Variants in RASA3 observed in about 807,000 individuals in gnomAD.
The protein encoded by RASA3 is ras GTPase-activating protein 3.
RASA3 carries 73 observed loss-of-function variants against 110.0 expected under a neutral mutation model. That is an observed-to-expected ratio of 0.66 (90% CI 0.55 to 0.81). RASA3 has a LOEUF of 0.81. Among genes scored for constraint, RASA3 ranks in the 30% least tolerant of loss-of-function variants. The probability of loss-of-function intolerance (pLI) is 0.00; values close to 1 mark genes in which losing one functional copy is unlikely to be tolerated. For synonymous variants in RASA3, 500 were observed against 451.4 expected, an observed-to-expected ratio of 1.11 and a Z score of -1.37; for missense variants, 976 against 1,113.2, an observed-to-expected ratio of 0.88 and a Z score of 1.75.
At chr13:114,124,588 C>T (rs1244182795) in intron 1 of RASA3, among the ~76,000 whole-genome samples, 1 of 152,200 alleles carries the variant, frequency 6.6e-6, no homozygotes, top group Non-Finnish European at 1.5e-5. Flanking sequence ...GTGACGTAAC[C>T]CTCAGTTCCC....
At chr13:114,045,469 A>C (rs911820031) in intron 3 of RASA3, among the ~76,000 whole-genome samples, 4 of 152,218 alleles carry the variant, frequency 2.6e-5, no homozygotes, top group Admixed American at 2.6e-4. Context: ...GGAAACAGCC[A>C]CAGGACACAA....
chr13:114,098,331 G>T (rs1225037717), intron 1 of RASA3, among the ~76,000 whole-genome samples: 1 of 152,200 alleles, frequency 6.6e-6, no homozygotes, highest in Non-Finnish European at 1.5e-5. Context: ...CAGGGACCCA[G>T]GTGCGGGTCA....
chr13:114,103,442 C>T (rs996027347), intron 1 of RASA3, among the ~76,000 whole-genome samples: 4 of 151,956 alleles, frequency 2.6e-5, no homozygotes, highest in Admixed American at 6.6e-5. Context: ...AGACGGGGGA[C>T]GGGGGGACGG....
intron 4 of RASA3, among the ~76,000 whole-genome samples, chr13:114,040,417 A>C (rs1281097681): frequency 2.2e-4 from 2 of 9,188 alleles, no homozygotes; most frequent in African/African-American, 5.7e-4. Flanking sequence ...CATGGCAGAG[A>C]CCGCGCTCAC....
chr13:114,108,271 G>A (rs79657651), intron 1 of RASA3, among the ~76,000 whole-genome samples: 49 of 26,362 alleles, frequency 1.9e-3, no homozygotes, highest in East Asian at 0.018. Flanking sequence ...CCGTCACCCC[G>A]TGTCTGTCAT....
chr13:113,995,101 G>A (rs1301401725), intron 21 of RASA3, among the ~76,000 whole-genome samples: 1 of 152,262 alleles, frequency 6.6e-6, no homozygotes, highest in Non-Finnish European at 1.5e-5. Context: ...CCACAGATCT[G>A]CCAAGGCAGT....
At chr13:113,989,770 G>A (rs574557306) in intron 22 of RASA3, among the ~76,000 whole-genome samples, 16 of 152,296 alleles carry the variant, frequency 1.1e-4, no homozygotes, top group Non-Finnish European at 1.8e-4. Context: ...TGCCTGCCCC[G>A]CCATCTGTCC....
chr13:114,064,471 C>T (rs1163956334), intron 2 of RASA3, among the ~76,000 whole-genome samples: 1 of 152,188 alleles, frequency 6.6e-6, no homozygotes. Flanking sequence ...AGGTGCAAAG[C>T]CCAGGCCCAC....
rs948446548 is a variant in RASA3, at chr13:114,014,207, C to A, written c.1406-959G>T. 2.6e-5 allele frequency among the ~76,000 whole-genome samples: 4 copies of A among 152,192 alleles called. No individual in the cohort carries two copies. Among genetic ancestry groups the A allele is most frequent in the African/African-American group, 9.7e-5 (4 of 41,436 alleles). On this transcript the variant is annotated intron_variant, in intron 14 of 23. Transcript: ENST00000334062. The surrounding 1 kb of genome is among the most constrained non-coding windows in gnomAD (Gnocchi z 4.5). The stretch of plus-strand genomic sequence containing the variant: ...CTCTCCATCTCTCATCACCACCACA[C>A]AGCGCAGCCCCTTTGGTGTCTCATT...
At chr13:114,002,313 G>A (rs57506460) in intron 18 of RASA3, among the ~76,000 whole-genome samples, 47,981 of 152,038 alleles carry the variant, frequency 0.32, 7,665 homozygotes, top group East Asian at 0.41. Flanking sequence ...AAGCTGCTGG[G>A]AGCTGTTCAA....
Position 114,011,103 on chromosome 13 carries a change from G to A in RASA3, c.1590+68C>T, listed in dbSNP as rs942402154. The A allele has an allele frequency of 4.8e-5, 66 of 1,383,692 alleles. No homozygotes were observed. In the East Asian group the frequency reaches 6.0e-4, roughly 13 times the overall value. 85.7% of individuals were successfully genotyped at this position (1,383,692 alleles called of 1,614,324 possible). On this transcript the variant is annotated intron_variant, in intron 16 of 23. Coordinates refer to ENST00000334062, the MANE Select transcript of RASA3 (RefSeq NM_007368.4). This position sits in a 1 kb window ranked among gnomAD's most constrained non-coding sequence, Gnocchi z 4.8. ...CTCTCAAATGTGGGAGGTTTTTCAC[G>A]TGTATTTTCTGAAGAGAGAAAAGAA...
chr13:114,094,972 G>A (rs2079926160), intron 1 of RASA3, among the ~76,000 whole-genome samples: 1 of 152,194 alleles, frequency 6.6e-6, no homozygotes, highest in African/African-American at 2.4e-5. Context: ...CAGCTCAACA[G>A]AACCATGCAG....
chr13:113,981,382 G>A (rs778700062), intron 23 of RASA3, among the ~76,000 whole-genome samples: 4 of 152,232 alleles, frequency 2.6e-5, no homozygotes, highest in Admixed American at 6.5e-5. Context: ...GCCAGAGCAC[G>A]TGACACCAGT....
intron 12 of RASA3, 127 bp downstream of exon 12, chr13:114,017,110 G>A: frequency 2.5e-6 from 2 of 789,232 alleles, no homozygotes; most frequent in Non-Finnish European, 4.4e-6. Flanking sequence ...GCATCCCCGT[G>A]GCGAGGCCAG....
chr13:114,036,895 C>T (rs1374378258), intron 4 of RASA3, among the ~76,000 whole-genome samples: 3 of 152,192 alleles, frequency 2.0e-5, no homozygotes, highest in African/African-American at 7.2e-5. Flanking sequence ...CCCTGTCACG[C>T]TACGTTTTGG....
At chr13:114,009,023 G>A (rs113645171) in intron 17 of RASA3, among the ~76,000 whole-genome samples, 58 of 141,760 alleles carry the variant, frequency 4.1e-4, no homozygotes, top group Middle Eastern at 4.0e-3. Context: ...CACGCACCGC[G>A]TTCCTGACAC....
chr13:114,089,149 G>T (rs2079858104), intron 1 of RASA3, among the ~76,000 whole-genome samples: 1 of 151,454 alleles, frequency 6.6e-6, no homozygotes, highest in Non-Finnish European at 1.5e-5. Context: ...TGCACTTTCT[G>T]CTACTTGCAC....
At position 113,996,677 on chromosome 13, in the gene RASA3, G is replaced by A. The variant is rs1404229763; in HGVS notation, c.1995C>T (p.Ala665=). The A allele has an allele frequency of 6.2e-7, 1 of 1,613,852 alleles. No homozygotes were observed. Among genetic ancestry groups the A allele is most frequent in the East Asian group, 2.2e-5 (1 of 44,880 alleles). The change falls in exon 21 of 24, where the codon GCC becomes GCT. Residue 665 remains alanine, a synonymous_variant. Transcript: ENST00000334062. ...LYIQANNCVE[A]KDWIDILTKV... ...TGGTGAGAATGTCGATCCAGTCCTT[G>A]GCCTCCACGCAGTTGTTGGCCTGGA... is the stretch of plus-strand genomic sequence containing the variant.
chr13:114,056,306 T>C lies in RASA3; in HGVS notation c.174-4151A>G. The C allele has an allele frequency of 3.2e-6, 1 of 311,306 alleles. No individual in the cohort carries two copies. Among genetic ancestry groups the C allele is most frequent in the Non-Finnish European group, 4.7e-6 (1 of 213,528 alleles). The allele number at this position is 311,306 out of a possible 1,614,324, so 19.3% of individuals were successfully genotyped here. A position where few individuals can be genotyped will look rare whatever the true frequency, so the allele number is the denominator to read the frequency against. The stretch of plus-strand genomic sequence containing the variant: ...TATTTGGTGCGTGTCCGGTGCGTGG[T>C]GAGGGGCGGTGAGATGAGGATGCCA... On this transcript the variant is annotated intron_variant, in intron 2 of 23. Transcript: ENST00000334062. This position sits in a 1 kb window ranked among gnomAD's most constrained non-coding sequence, Gnocchi z 5.7.
Sources: gnomAD v4.1 joint callset for allele counts (sites outside exome capture counted in the v4.1 genomes callset) on GRCh38, gnomAD v4.1.1 for gene constraint, Gnocchi (gnomAD v3.1) non-coding constraint, MANE v1.5 for transcripts, NCBI Gene and HGNC (gene_info 2026-07-23, HGNC 2026-07-21) for gene names.